AFF3: variants seen among roughly 807,000 people sequenced by gnomAD.
AFF3 encodes ALF transcription elongation factor 3, also known as AF4/FMR2 family member 3.
In AFF3, 32 loss-of-function variants were observed where a neutral mutation model predicts 129.7. That is an observed-to-expected ratio of 0.25 (90% CI 0.19 to 0.33). The LOEUF is 0.33. Among genes scored for constraint, AFF3 ranks in the 10% least tolerant of loss-of-function variants. AFF3 has a pLI of 1.00. For synonymous variants in AFF3, 644 were observed against 635.4 expected, an observed-to-expected ratio of 1.01 and a Z score of -0.20; for missense variants, 1,373 against 1,592.0, an observed-to-expected ratio of 0.86 and a Z score of 2.34.
At chr2:99,816,258 A>G (rs931883769) in intron 8 of AFF3, among the ~76,000 whole-genome samples, 2 of 152,018 alleles carry the variant, frequency 1.3e-5, no homozygotes, top group Non-Finnish European at 2.9e-5. Context: ...CATGCTGTTT[A>G]CCTTCTCCAT....
chr2:99,679,254 G>A (rs538061313), intron 11 of AFF3, among the ~76,000 whole-genome samples: 62 of 152,224 alleles, frequency 4.1e-4, no homozygotes, highest in African/African-American at 1.3e-3. Flanking sequence ...CCTCCCTCCC[G>A]GGGAGGGATT....
intron 11 of AFF3, chr2:99,707,671 G>T (rs1677528276): frequency 1.0e-6 from 1 of 982,526 alleles, no homozygotes. Flanking sequence ...GAAGAGCTTT[G>T]GTATTTAGAT....
intron 2 of AFF3, among the ~76,000 whole-genome samples, chr2:100,126,589 T>C (rs1692202738): frequency 6.6e-6 from 1 of 152,202 alleles, no homozygotes; most frequent in Non-Finnish European, 1.5e-5. Context: ...CTAAGGCACT[T>C]AACTTACTCC....
intron 20 of AFF3, among the ~76,000 whole-genome samples, 192 bp downstream of exon 20, chr2:99,565,295 C>T (rs1675852873): frequency 6.6e-6 from 1 of 152,142 alleles, no homozygotes; most frequent in Admixed American, 6.5e-5. Context: ...CAGCTGCCCC[C>T]CTTGCTCACG....
At chr2:99,892,981 C>T (rs534459883) in intron 7 of AFF3, among the ~76,000 whole-genome samples, 2 of 152,224 alleles carry the variant, frequency 1.3e-5, no homozygotes, top group South Asian at 2.1e-4. Context: ...GGGGGGTGAC[C>T]AATGCCAGTG....
At chr2:99,665,649 A>T (rs1158449503) in intron 12 of AFF3, among the ~76,000 whole-genome samples, 1 of 152,250 alleles carries the variant, frequency 6.6e-6, no homozygotes, top group Non-Finnish European at 1.5e-5. Flanking sequence ...TGAGCTGGGG[A>T]TATAACTTTA....
At chr2:100,140,939 T>C (rs968228198) in intron 1 of AFF3, among the ~76,000 whole-genome samples, 4 of 152,104 alleles carry the variant, frequency 2.6e-5, no homozygotes, top group Non-Finnish European at 4.4e-5. Context: ...ACTCTTACCA[T>C]GTCCCTTCAA....
At chr2:99,848,295 TA>T (rs1486482911) in intron 7 of AFF3, among the ~76,000 whole-genome samples, 3 of 151,544 alleles carry the variant, frequency 2.0e-5, no homozygotes, top group Admixed American at 1.3e-4. Flanking sequence ...AATGAAAATA[TA>T]AAAAAAGACA....
intron 13 of AFF3, among the ~76,000 whole-genome samples, chr2:99,638,103 T>C (rs1683836319): frequency 6.6e-6 from 1 of 151,370 alleles, no homozygotes; most frequent in South Asian, 2.1e-4. Context: ...AGATGGAGTC[T>C]TGCTCTGTTG....
chr2:100,076,467 G>A (rs954882433), intron 4 of AFF3, among the ~76,000 whole-genome samples: 2 of 152,242 alleles, frequency 1.3e-5, no homozygotes, highest in South Asian at 2.1e-4. Context: ...GTCACTGCAG[G>A]TGAACTCTCA....
rs1674383519 is a variant in AFF3, at chr2:99,551,240, A to G, written c.*234T>C. ...TGTCTAGCCTGGGATTATGGAAACT[A>G]GACAAAGAAGGTGTGTTCTGAAGAG... is the stretch of plus-strand genomic sequence containing the variant. On this transcript the variant is annotated 3_prime_UTR_variant, in exon 25 of 25. Transcript: ENST00000672756. 3.4e-6 allele frequency: 2 copies of G among 584,394 alleles called. No homozygotes were observed. Among genetic ancestry groups the G allele is most frequent in the Non-Finnish European group, 6.0e-6 (2 of 334,024 alleles). The allele number at this position is 584,394 out of a possible 1,614,324, so 36.2% of individuals were successfully genotyped here.
At chr2:100,131,059 C>T (rs1692411918) in intron 1 of AFF3, among the ~76,000 whole-genome samples, 1 of 152,168 alleles carries the variant, frequency 6.6e-6, no homozygotes, top group African/African-American at 2.4e-5. Context: ...ATACTTAAAA[C>T]AACAAAAAAG....
At position 100,046,499 on chromosome 2, in the gene AFF3, G is replaced by A. The variant is rs908391820; in HGVS notation, c.54-37567C>T. Among the ~76,000 whole-genome samples, 4 of 152,148 alleles carry A rather than the reference G, an allele frequency of 2.6e-5. No individual in the cohort carries two copies. In the South Asian group the frequency reaches 8.3e-4, roughly 31 times the overall value. On this transcript the variant is annotated intron_variant, in intron 4 of 24. Transcript: ENST00000672756. ...AGGTTTCGACTGGCACTGTTGGACT[G>A]GGCTGCAGTTTAGGTCCTCCCACTG...
intron 8 of AFF3, among the ~76,000 whole-genome samples, chr2:99,800,927 G>A (rs192817808): frequency 2.6e-4 from 40 of 152,284 alleles, no homozygotes; most frequent in African/African-American, 9.1e-4. Context: ...GATGAGTGGG[G>A]TGTGTGGAGA....
At chr2:99,959,339 CAAAAAAAAAAA>C (rs34083581) in intron 7 of AFF3, among the ~76,000 whole-genome samples, 2 of 66,936 alleles carry the variant, frequency 3.0e-5, no homozygotes, top group Admixed American at 1.9e-4. Context: ...AAGAGTCTGC[CAAAAAAAAAAA>C]AAAAAAAAAA....
At chr2:100,020,295 C>T (rs11685341) in intron 4 of AFF3, among the ~76,000 whole-genome samples, 77,860 of 151,562 alleles carry the variant, frequency 0.51, 20,651 homozygotes, top group African/African-American at 0.64. Context: ...GCTCCTCAGT[C>T]TGCTTGCCAT....
At chr2:99,567,941 T>C (rs1472152536) in intron 19 of AFF3, among the ~76,000 whole-genome samples, 9 of 152,182 alleles carry the variant, frequency 5.9e-5, no homozygotes, top group African/African-American at 1.4e-4. Flanking sequence ...CAGACTCAGA[T>C]TGTGTGGACA....
Position 99,546,640 on chromosome 2 carries a change from C to T in AFF3, c.*4834G>A. 1 of 231,824 alleles carries T rather than the reference C, an allele frequency of 4.3e-6. No individual in the cohort carries two copies. Among genetic ancestry groups the T allele is most frequent in the East Asian group, 6.1e-5 (1 of 16,430 alleles). 14.4% of individuals were successfully genotyped at this position (231,824 alleles called of 1,614,324 possible). A position where few individuals can be genotyped will look rare whatever the true frequency, so the allele number is the denominator to read the frequency against. Reference sequence around the variant, plus strand: ...GAGATAAGACTAAAAATGAAGTTAACAAACTTACCCTCCCACATAGGGGAT... The same window carrying T: ...GAGATAAGACTAAAAATGAAGTTAATAAACTTACCCTCCCACATAGGGGAT... On this transcript the variant is annotated 3_prime_UTR_variant, in exon 25 of 25. Coordinates refer to ENST00000672756, the MANE Select transcript of AFF3 (RefSeq NM_001386135.1).
intron 7 of AFF3, among the ~76,000 whole-genome samples, chr2:99,991,940 T>G (rs1680390334): frequency 6.6e-6 from 1 of 151,568 alleles, no homozygotes; most frequent in African/African-American, 2.4e-5. Flanking sequence ...CAAAAAACCT[T>G]ATCATAAAAA....
Sources: allele counts gnomAD v4.1 joint callset (sites outside exome capture counted in the v4.1 genomes callset), GRCh38; gene constraint gnomAD v4.1.1; transcripts MANE v1.5; gene names NCBI Gene and HGNC (gene_info 2026-07-23, HGNC 2026-07-21).